DLC1: variants seen among roughly 807,000 people sequenced by gnomAD.
DLC1 encodes the protein rho GTPase-activating protein 7.
A neutral mutation model predicts 140.3 loss-of-function variants in DLC1; 54 were observed. That is an observed-to-expected ratio of 0.38 (90% CI 0.31 to 0.48). DLC1 has a LOEUF of 0.48. Among genes scored for constraint, DLC1 ranks in the 20% least tolerant of loss-of-function variants. The pLI, the probability that DLC1 is intolerant of heterozygous loss-of-function variation, is 0.96. For synonymous variants in DLC1, 986 were observed against 728.1 expected, an observed-to-expected ratio of 1.35 and a Z score of -5.70; for missense variants, 2,536 against 1,907.0, an observed-to-expected ratio of 1.33 and a Z score of -6.14.
intron 1 of DLC1, among the ~76,000 whole-genome samples, chr8:13,505,980 T>G (rs1179869174): frequency 6.6e-6 from 1 of 152,248 alleles, no homozygotes; most frequent in East Asian, 1.9e-4. Context: ...CTTGGAAAGA[T>G]GGCAACTTTT....
intron 4 of DLC1, among the ~76,000 whole-genome samples, chr8:13,381,657 A>G (rs572834784): frequency 3.9e-4 from 59 of 152,314 alleles, no homozygotes; most frequent in African/African-American, 1.4e-3. Flanking sequence ...TTGTAACCAC[A>G]TGAGTATACT....
chr8:13,441,441 A>G (rs548853762), intron 2 of DLC1, among the ~76,000 whole-genome samples: 5 of 152,228 alleles, frequency 3.3e-5, no homozygotes, highest in Middle Eastern at 3.2e-3. Flanking sequence ...AGACAACATG[A>G]TTGTATATCT....
chr8:13,155,361 A>C (rs1451274016), intron 5 of DLC1, among the ~76,000 whole-genome samples: 1 of 121,126 alleles, frequency 8.3e-6, no homozygotes, highest in Non-Finnish European at 2.0e-5. Context: ...CCAAAAAGCA[A>C]ATGAAAAATA....
chr8:13,489,122 A>C (rs1801112835), intron 2 of DLC1, among the ~76,000 whole-genome samples: 1 of 151,714 alleles, frequency 6.6e-6, no homozygotes, highest in Non-Finnish European at 1.5e-5. Context: ...TAATTTTTGT[A>C]TTTTAATAGA....
At chr8:13,416,472 A>T (rs2117323227) in intron 2 of DLC1, among the ~76,000 whole-genome samples, 1 of 152,312 alleles carries the variant, frequency 6.6e-6, no homozygotes, top group East Asian at 1.9e-4. Flanking sequence ...GCAGACATAC[A>T]AAATATGGCC....
chr8:13,178,015 C>T (rs1825844580), intron 5 of DLC1, among the ~76,000 whole-genome samples: 1 of 151,980 alleles, frequency 6.6e-6, no homozygotes. Context: ...ATTTCAGTAG[C>T]TCTAATACAT....
chr8:13,094,535 G>A (rs895205595), intron 12 of DLC1, among the ~76,000 whole-genome samples: 1 of 152,022 alleles, frequency 6.6e-6, no homozygotes, highest in Non-Finnish European at 1.5e-5. Context: ...ACGTGGTGGC[G>A]CCCTCCTGTA....
At chr8:13,301,693 C>T (rs746380854) in intron 5 of DLC1, among the ~76,000 whole-genome samples, 1 of 152,192 alleles carries the variant, frequency 6.6e-6, no homozygotes, top group Admixed American at 6.5e-5. Context: ...CAGTACCGGT[C>T]TGTGATCTGT....
intron 5 of DLC1, among the ~76,000 whole-genome samples, chr8:13,152,496 A>C (rs1280329697): frequency 2.0e-5 from 3 of 152,304 alleles, no homozygotes; most frequent in African/African-American, 7.2e-5. Flanking sequence ...CAGTGGTTTT[A>C]ATTTCCATGA....
intron 2 of DLC1, among the ~76,000 whole-genome samples, chr8:13,464,981 C>A (rs376051736): frequency 1.3e-5 from 2 of 152,058 alleles, no homozygotes; most frequent in East Asian, 3.9e-4. Context: ...ATCTTCCCAC[C>A]TCAGCCTCCT....
chr8:13,116,768 G>A (rs1820591159), intron 5 of DLC1, among the ~76,000 whole-genome samples: 1 of 152,132 alleles, frequency 6.6e-6, no homozygotes, highest in African/African-American at 2.4e-5. Context: ...TTTGATCAAT[G>A]AACACAGGAA....
At chr8:13,496,786 CTTTTTTTTTTTTT>C (rs869192950) in intron 2 of DLC1, among the ~76,000 whole-genome samples, 2,478 of 22,988 alleles carry the variant, frequency 0.11, 39 homozygotes, top group Non-Finnish European at 0.21. Context: ...AGACCATTTC[CTTTTTTTTTTTTT>C]TTTTTTTTTT....
Position 13,100,480 on chromosome 8 carries a change from G to A in DLC1, c.1857C>T (p.Asn619=). ...TGGAGGAGCAAACGCTGATGACGGA[G>A]TTAGTCCGGGGGGTGGCAGCATCCT... ...PSEDAATPRT[N]SVISVCSSSN... Residue 619 remains asparagine, a synonymous_variant, in exon 9 of 18, where the codon AAC becomes AAT. Coordinates refer to ENST00000276297, the MANE Select transcript of DLC1 (RefSeq NM_182643.3). 1.2e-6 allele frequency: 2 copies of A among 1,613,116 alleles called. No individual in the cohort carries two copies. Among genetic ancestry groups the A allele is most frequent in the East Asian group, 2.2e-5 (1 of 44,870 alleles).
At chr8:13,183,327 C>T (rs1414363748) in intron 5 of DLC1, among the ~76,000 whole-genome samples, 2 of 152,120 alleles carry the variant, frequency 1.3e-5, no homozygotes, top group Non-Finnish European at 2.9e-5. Context: ...TGCCTGATTG[C>T]CCTGGCCAGA....
chr8:13,387,728 A>T (rs1037562), intron 4 of DLC1, among the ~76,000 whole-genome samples: 9,387 of 152,160 alleles, frequency 0.062, 991 homozygotes, highest in African/African-American at 0.22. Flanking sequence ...TCATAGAAGA[A>T]TCAGTTTTCA....
At chr8:13,226,102 T>C (rs116708467) in intron 5 of DLC1, among the ~76,000 whole-genome samples, 38 of 152,082 alleles carry the variant, frequency 2.5e-4, no homozygotes, top group Non-Finnish European at 5.0e-4. Context: ...TTAGTGGAAA[T>C]GAGATCTTGC....
chr8:13,360,648 T>A (rs1320684773), intron 4 of DLC1, among the ~76,000 whole-genome samples: 1 of 152,092 alleles, frequency 6.6e-6, no homozygotes, highest in Non-Finnish European at 1.5e-5. Flanking sequence ...ACTTACTCTG[T>A]GTTTTTTGGT....
At chr8:13,413,256 A>ACTTTTTTTTTTTTTTTTTTTTTT (rs1491415150) in intron 2 of DLC1, among the ~76,000 whole-genome samples, 2 of 82,006 alleles carry the variant, frequency 2.4e-5, no homozygotes, top group African/African-American at 5.0e-5. Context: ...TTTTTTTGCG[A>ACTTTTTTTTTTTTTTTTTTTTTT]TTTTTTTTTT....
intron 5 of DLC1, among the ~76,000 whole-genome samples, chr8:13,241,759 T>C (rs926555794): frequency 1.3e-5 from 2 of 152,208 alleles, no homozygotes; most frequent in African/African-American, 2.4e-5. Flanking sequence ...CCTGCTGTTC[T>C]GTTAGGACAC....
Sources: gnomAD v4.1 joint callset for allele counts (sites outside exome capture counted in the v4.1 genomes callset) on GRCh38, gnomAD v4.1.1 for gene constraint, MANE v1.5 for transcripts, NCBI Gene and HGNC (gene_info 2026-07-23, HGNC 2026-07-21) for gene names.